LARP1B: variants seen among roughly 807,000 people sequenced by gnomAD.
LARP1B encodes the protein La ribonucleoprotein 1B, also known as la-related protein 1B.
Under a neutral mutation model 114.2 loss-of-function variants are expected in LARP1B, and 76 were observed. The observed-to-expected ratio is 0.67, with a 90% CI of 0.55 to 0.81. The LOEUF is 0.81. Ranked by LOEUF, LARP1B falls within the 30% of genes least tolerant of loss-of-function variation. LARP1B has a pLI of 0.00. For synonymous variants in LARP1B, 345 were observed against 348.0 expected (o/e 0.99, Z 0.10); for missense variants, 1,014 against 1,075.8 (o/e 0.94, Z 0.80).
chr4:128,094,910 G>A (rs1777341957), intron 7 of LARP1B, among the ~76,000 whole-genome samples: 1 of 151,968 alleles, frequency 6.6e-6, no homozygotes, highest in Admixed American at 6.6e-5. Context: ...CAACACCATG[G>A]CCGACTAATT....
intron 5 of LARP1B, among the ~76,000 whole-genome samples, chr4:128,089,143 A>G (rs1453947282): frequency 6.6e-6 from 1 of 152,018 alleles, no homozygotes; most frequent in Admixed American, 6.6e-5. Flanking sequence ...TGCTACTGGC[A>G]TCTAGTGGGT....
intron 5 of LARP1B, among the ~76,000 whole-genome samples, chr4:128,085,109 C>A (rs1207400700): frequency 6.6e-6 from 1 of 152,110 alleles, no homozygotes; most frequent in African/African-American, 2.4e-5. Flanking sequence ...GGTGATCCAC[C>A]CACCTCGATG....
chr4:128,204,867 T>TAAAAA (rs71587377), intron 17 of LARP1B, among the ~76,000 whole-genome samples: 63 of 149,586 alleles, frequency 4.2e-4, no homozygotes, highest in South Asian at 1.3e-3. Context: ...TTTTAAAAAT[T>TAAAAA]AAAAAAAAAG....
chr4:128,080,997 C>A (rs1341450994), intron 4 of LARP1B, among the ~76,000 whole-genome samples: 1 of 151,418 alleles, frequency 6.6e-6, no homozygotes, highest in African/African-American at 2.4e-5. Flanking sequence ...ATTCTAAAGC[C>A]TAAGAATTTT....
chr4:128,063,400 C>CCTGGGCGG (rs1561000705), intron 1 of LARP1B, among the ~76,000 whole-genome samples: 1 of 116,644 alleles, frequency 8.6e-6, no homozygotes, highest in South Asian at 3.2e-4. Context: ...TGCACTCCAG[C>CCTGGGCGG]CTGGTCGGCA....
intron 4 of LARP1B, 64 bp downstream of exon 4, chr4:128,078,026 A>G (rs1579923425): frequency 8.8e-7 from 1 of 1,136,156 alleles, no homozygotes; most frequent in East Asian, 2.6e-5. Context: ...GAGGAATTAC[A>G]TTTCATTAAC....
At chr4:128,156,275 C>T in intron 11 of LARP1B, 5 of 956,678 alleles carry the variant, frequency 5.2e-6, no homozygotes, top group Non-Finnish European at 8.1e-6. Context: ...ACCAGTCCAG[C>T]TGGCCTGGAC....
intron 9 of LARP1B, chr4:128,107,665 T>C: frequency 7.0e-7 from 1 of 1,430,156 alleles, no homozygotes. Flanking sequence ...AAAGGTCTTA[T>C]ACTCAAGAGT....
chr4:128,081,138 G>C (rs1770201019), intron 4 of LARP1B, among the ~76,000 whole-genome samples: 1 of 149,864 alleles, frequency 6.7e-6, no homozygotes, highest in African/African-American at 2.5e-5. Flanking sequence ...GAGTGCAGTG[G>C]CACGATCTCG....
chr4:128,127,015 AAAG>A (rs2150062312), intron 11 of LARP1B, among the ~76,000 whole-genome samples: 1 of 152,326 alleles, frequency 6.6e-6, no homozygotes, highest in East Asian at 1.9e-4. Context: ...TACTTTCAAG[AAAG>A]AAGAATCATT....
intron 9 of LARP1B, chr4:128,108,068 C>A: frequency 6.9e-7 from 1 of 1,440,560 alleles, no homozygotes; most frequent in Non-Finnish European, 9.1e-7. Flanking sequence ...TGGGCCAACA[C>A]TGCAGTGGAG....
At chr4:128,184,182 T>TG (rs1186775565) in intron 15 of LARP1B, among the ~76,000 whole-genome samples, 2 of 152,188 alleles carry the variant, frequency 1.3e-5, no homozygotes, top group Non-Finnish European at 2.9e-5. Context: ...AGTTCTACTG[T>TG]GGGTAAAATG....
intron 12 of LARP1B, among the ~76,000 whole-genome samples, chr4:128,166,187 AAAT>A (rs1740736245): frequency 6.6e-6 from 1 of 151,972 alleles, no homozygotes; most frequent in Non-Finnish European, 1.5e-5. Flanking sequence ...CCACATCTCT[AAAT>A]ATTACCTCCA....
At chr4:128,144,468 A>C (rs72683918) in intron 11 of LARP1B, among the ~76,000 whole-genome samples, 87 of 152,118 alleles carry the variant, frequency 5.7e-4, no homozygotes, top group Non-Finnish European at 9.6e-4. Flanking sequence ...TAGATATGTT[A>C]TACTATTTGA....
chr4:128,164,992 A>T (rs956305589), intron 12 of LARP1B, among the ~76,000 whole-genome samples: 1 of 150,860 alleles, frequency 6.6e-6, no homozygotes, highest in Non-Finnish European at 1.5e-5. Context: ...ATAAAAAAAT[A>T]AAAAAGGGAT....
intron 11 of LARP1B, among the ~76,000 whole-genome samples, chr4:128,151,311 G>GT (rs1732691790): frequency 6.6e-6 from 1 of 152,050 alleles, no homozygotes; most frequent in Admixed American, 6.6e-5. Flanking sequence ...AACACAAGAA[G>GT]TTTAACATTG....
At chr4:128,075,793 C>T (rs1324088020) in intron 3 of LARP1B, among the ~76,000 whole-genome samples, 4 of 151,850 alleles carry the variant, frequency 2.6e-5, no homozygotes, top group Non-Finnish European at 2.9e-5. Flanking sequence ...GCAATTGGCT[C>T]GCCTCAGCCT....
chr4:128,209,205 G>A (rs1259697067), intron 19 of LARP1B, among the ~76,000 whole-genome samples: 1 of 152,144 alleles, frequency 6.6e-6, no homozygotes, highest in Non-Finnish European at 1.5e-5. Context: ...GATCGCCTGA[G>A]CTTAGGAGTT....
chr4:128,220,970 T>C (rs1205081990), intron 7 of LARP1B, among the ~76,000 whole-genome samples: 1 of 152,244 alleles, frequency 6.6e-6, no homozygotes, highest in East Asian at 1.9e-4. Context: ...AACCAGATTG[T>C]TCTTTAACAG....
Sources: gnomAD v4.1 joint callset for allele counts (sites outside exome capture counted in the v4.1 genomes callset) on GRCh38, gnomAD v4.1.1 for gene constraint, MANE v1.5 for transcripts, NCBI Gene and HGNC (gene_info 2026-07-23, HGNC 2026-07-21) for gene names.